CUX2: variants seen among roughly 807,000 people sequenced by gnomAD.
CUX2 encodes cut like homeobox 2, also known as homeobox protein cut-like 2.
A neutral mutation model predicts 144.8 loss-of-function variants in CUX2; 40 were observed. The observed-to-expected ratio is 0.28, with a 90% CI of 0.21 to 0.36. The LOEUF (loss-of-function observed/expected upper bound fraction) is 0.36. Ranked by LOEUF, CUX2 falls within the 10% of genes least tolerant of loss-of-function variation. The pLI, the probability that CUX2 is intolerant of heterozygous loss-of-function variation, is 1.00. For missense variants in CUX2, 1,615 were observed against 1,994.0 expected (o/e 0.81, Z 3.62); for synonymous variants, 827 against 875.6 (o/e 0.94, Z 0.98).
intron 3 of CUX2, among the ~76,000 whole-genome samples, chr12:111,256,001 C>A (rs1883795983): frequency 6.6e-6 from 1 of 152,050 alleles, no homozygotes; most frequent in Non-Finnish European, 1.5e-5. Context: ...TTGGATGCCT[C>A]CCCTGGTGGG....
At chr12:111,192,657 G>A (rs1879969332) in intron 1 of CUX2, among the ~76,000 whole-genome samples, 1 of 152,240 alleles carries the variant, frequency 6.6e-6, no homozygotes. Flanking sequence ...CTGACACAGA[G>A]AAGGACCCAA....
chr12:111,134,620 C>CTCTGTG (rs1026548098), intron 1 of CUX2, among the ~76,000 whole-genome samples: 10 of 142,208 alleles, frequency 7.0e-5, no homozygotes, highest in South Asian at 6.8e-4. Flanking sequence ...CTCTCTCTCT[C>CTCTGTG]TGTGTGTGTG....
At position 111,217,923 on chromosome 12, in the gene CUX2, A is replaced by G; in HGVS notation, c.208A>G (p.Ser70Gly). 6.2e-7 allele frequency: 1 copy of G among 1,614,016 alleles called. No individual in the cohort carries two copies. Among genetic ancestry groups the G allele is most frequent in the Non-Finnish European group, 8.5e-7 (1 of 1,180,018 alleles). ...IREMVAPVLKSFQAEVVALSK... is the reference protein window; with the variant it reads ...IREMVAPVLKGFQAEVVALSK... ...AGAGATGGTGGCTCCTGTATTAAAA[A>G]GCTTCCAAGCCGAGGTAAGACCCAG... The change falls in exon 3 of 22, where the codon AGC becomes GGC. Residue 70 changes from serine (S) to glycine (G), a missense_variant. Ser to Gly is a moderately conservative substitution (Grantham distance 56). Coordinates refer to ENST00000261726, the MANE Select transcript of CUX2 (RefSeq NM_015267.4).
intron 1 of CUX2, among the ~76,000 whole-genome samples, chr12:111,038,831 G>A (rs995138059): frequency 1.3e-5 from 2 of 151,166 alleles, no homozygotes; most frequent in Non-Finnish European, 2.9e-5. Flanking sequence ...GAGAAACCAC[G>A]GACCAGCTAA....
At position 111,035,503 on chromosome 12, in the gene CUX2, A is replaced by C. The variant is rs993130281; in HGVS notation, c.63+1263A>C. ...CAAAGTCTCGGCGGGTGCGGCGGGG[A>C]TCAGGGGCGGGAAAATGGTGCGGAT... is the stretch of plus-strand genomic sequence containing the variant. On this transcript the variant is annotated intron_variant, in intron 1 of 21. Coordinates refer to ENST00000261726, the MANE Select transcript of CUX2 (RefSeq NM_015267.4). The surrounding 1 kb of genome is among the most constrained non-coding windows in gnomAD (Gnocchi z 6.0). Among the ~76,000 whole-genome samples the C allele has an allele frequency of 1.3e-5, 2 of 151,060 alleles. No homozygotes were observed. The highest frequency in any genetic ancestry group is 4.9e-5 in the African/African-American group (2 of 41,160).
At chr12:111,197,757 G>T (rs1328824531) in intron 1 of CUX2, among the ~76,000 whole-genome samples, 1 of 152,188 alleles carries the variant, frequency 6.6e-6, no homozygotes, top group Non-Finnish European at 1.5e-5. Context: ...GTGAGGCTTG[G>T]CCAGGTCAGA....
Position 111,305,876 on chromosome 12 carries a change from G to A in CUX2, c.859-1045G>A, listed in dbSNP as rs78913442. ...CCTTGTGAGTGTCTCTCTTTGATGC[G>A]TGTGTATTTGTGTGTGTGTGTCAGC... is the stretch of plus-strand genomic sequence containing the variant. On this transcript the variant is annotated intron_variant, in intron 10 of 21. Transcript: ENST00000261726. 8.9e-4 allele frequency among the ~76,000 whole-genome samples: 136 copies of A among 152,276 alleles called. 1 individual carries two copies. In the East Asian group the frequency reaches 0.022, roughly 24 times the overall value.
intron 1 of CUX2, among the ~76,000 whole-genome samples, chr12:111,142,987 T>C (rs577410736): frequency 1.5e-3 from 232 of 152,326 alleles, no homozygotes; most frequent in Middle Eastern, 0.01. Flanking sequence ...GGTGTTCGCT[T>C]TTTTTGGAAT....
In CUX2 at chr12:111,178,259, T is replaced by C. The variant is rs1347948427; in HGVS notation, c.64-35941T>C. Among the ~76,000 whole-genome samples the C allele has an allele frequency of 6.6e-6, 1 of 152,252 alleles. No homozygotes were observed. The highest frequency in any genetic ancestry group is 6.5e-5 in the Admixed American group (1 of 15,286). On this transcript the variant is annotated intron_variant, in intron 1 of 21. Coordinates refer to ENST00000261726, the MANE Select transcript of CUX2 (RefSeq NM_015267.4). The surrounding 1 kb of genome is among the most constrained non-coding windows in gnomAD (Gnocchi z 5.7). ...AAAAACCAGCCAGTGTAATAAATCT[T>C]GCCCCGAAATCTCGGCAGCACATCT...
chr12:111,067,928 C>A (rs548960663), intron 1 of CUX2, among the ~76,000 whole-genome samples: 1 of 152,286 alleles, frequency 6.6e-6, no homozygotes, highest in East Asian at 1.9e-4. Flanking sequence ...AGGTCCCGCG[C>A]AGAGCTTCAG....
chr12:111,087,888 G>T (rs1180201233), intron 1 of CUX2, among the ~76,000 whole-genome samples: 1 of 152,174 alleles, frequency 6.6e-6, no homozygotes, highest in Non-Finnish European at 1.5e-5. Flanking sequence ...TAGCCAAAAA[G>T]TGGGAACACC....
At chr12:111,244,539 G>A (rs986982108) in intron 3 of CUX2, among the ~76,000 whole-genome samples, 15 of 152,330 alleles carry the variant, frequency 9.8e-5, no homozygotes, top group Admixed American at 5.9e-4. Context: ...TCACGACCCC[G>A]TGGTGTCATT....
intron 21 of CUX2, among the ~76,000 whole-genome samples, chr12:111,343,330 C>T (rs894204615): frequency 6.6e-6 from 1 of 152,218 alleles, no homozygotes; most frequent in African/African-American, 2.4e-5. Flanking sequence ...GGTTGAGCTT[C>T]CTAGGAGTTT....
intron 4 of CUX2, among the ~76,000 whole-genome samples, chr12:111,273,352 G>A (rs1390448257): frequency 6.6e-6 from 1 of 152,098 alleles, no homozygotes; most frequent in Non-Finnish European, 1.5e-5. Flanking sequence ...CTTCCTCACT[G>A]GGAAGCTGAA....
At chr12:111,163,622 G>T (rs548469722) in intron 1 of CUX2, among the ~76,000 whole-genome samples, 2 of 152,292 alleles carry the variant, frequency 1.3e-5, no homozygotes, top group South Asian at 4.1e-4. Context: ...TGAACTGCTG[G>T]ATCCAGCCAT....
At chr12:111,216,849 A>G (rs925738309) in intron 2 of CUX2, among the ~76,000 whole-genome samples, 2 of 152,162 alleles carry the variant, frequency 1.3e-5, no homozygotes, top group Admixed American at 1.3e-4. Context: ...ACACAGTGTT[A>G]TTTGCATAAT....
At chr12:111,209,342 T>A (rs1466733454) in intron 1 of CUX2, among the ~76,000 whole-genome samples, 1 of 152,148 alleles carries the variant, frequency 6.6e-6, no homozygotes, top group Non-Finnish European at 1.5e-5. Flanking sequence ...TGCGGTGAGC[T>A]GTGATCATGC....
At position 111,287,396 on chromosome 12, in the gene CUX2, C is replaced by T. The variant is rs1325705885; in HGVS notation, c.302-4022C>T. ...GTTTGTCTAACTTCCCTGACCCCGG[C>T]GAGTGCTCGTTGCCTTTTTTCCTCC... On this transcript the variant is annotated intron_variant, in intron 4 of 21. Transcript: ENST00000261726. The surrounding 1 kb of genome is among the most constrained non-coding windows in gnomAD (Gnocchi z 4.2). Among the ~76,000 whole-genome samples the T allele has an allele frequency of 6.6e-6, 1 of 152,212 alleles. No individual in the cohort carries two copies. Among genetic ancestry groups the T allele is most frequent in the African/African-American group, 2.4e-5 (1 of 41,468 alleles).
chr12:111,133,118 A>G (rs1182083766), intron 1 of CUX2, among the ~76,000 whole-genome samples: 1 of 152,072 alleles, frequency 6.6e-6, no homozygotes, highest in Non-Finnish European at 1.5e-5. Flanking sequence ...TGTTCATATC[A>G]CTATCAGCAT....
Sources: gnomAD v4.1 joint callset for allele counts (sites outside exome capture counted in the v4.1 genomes callset) on GRCh38, gnomAD v4.1.1 for gene constraint, Gnocchi (gnomAD v3.1) non-coding constraint, MANE v1.5 for transcripts, NCBI Gene and HGNC (gene_info 2026-07-23, HGNC 2026-07-21) for gene names.